Variants in TPPP observed in about 807,000 individuals in gnomAD.
TPPP encodes the protein tubulin polymerization-promoting protein.
In TPPP, 6 loss-of-function variants were observed where a neutral mutation model predicts 15.5. The observed-to-expected ratio is 0.39, with a 90% confidence interval of 0.21 to 0.77. The LOEUF is 0.77. Ranked by LOEUF, TPPP falls within the 30% of genes least tolerant of loss-of-function variation. The probability of loss-of-function intolerance (pLI) is 0.42; values close to 1 mark genes in which losing one functional copy is unlikely to be tolerated. For synonymous variants in TPPP, 146 were observed against 133.9 expected, an observed-to-expected ratio of 1.09 and a Z score of -0.63; for missense variants, 269 against 307.2, an observed-to-expected ratio of 0.88 and a Z score of 0.93.
At chr5:687,231 G>A (rs1447343115) in intron 1 of TPPP, among the ~76,000 whole-genome samples, 4 of 141,122 alleles carry the variant, frequency 2.8e-5, no homozygotes, top group African/African-American at 1.1e-4. Context: ...GAGGATGGGG[G>A]AATGCGTCCC....
chr5:667,436 G>A (rs1739966408), intron 2 of TPPP, among the ~76,000 whole-genome samples: 1 of 152,130 alleles, frequency 6.6e-6, no homozygotes, highest in Admixed American at 6.5e-5. Flanking sequence ...ATAGATGACG[G>A]TCCTAATTAT....
At chr5:665,854 CAGG>C in intron 3 of TPPP, 113 bp downstream of exon 3, 3 of 525,364 alleles carry the variant, frequency 5.7e-6, no homozygotes, top group Admixed American at 6.5e-5. Context: ...GGACCCCCCC[CAGG>C]TCACGCCCCC....
At chr5:671,673 C>T (rs1446705172) in intron 2 of TPPP, among the ~76,000 whole-genome samples, 2 of 151,884 alleles carry the variant, frequency 1.3e-5, no homozygotes, top group African/African-American at 2.4e-5. Flanking sequence ...GCTCCTGAAC[C>T]CTCAGCCACA....
the TPPP span, among the ~76,000 whole-genome samples, chr5:699,677 C>T: frequency 1.3e-5 from 2 of 151,696 alleles, no homozygotes; most frequent in Non-Finnish European, 2.9e-5. Flanking sequence ...GGTAAATAGA[C>T]AACCTGCAGA....
the TPPP span, among the ~76,000 whole-genome samples, chr5:699,285 T>C: frequency 9.8e-4 from 149 of 151,630 alleles, no homozygotes; most frequent in East Asian, 0.014. Context: ...AGTACAAAAA[T>C]AGACATCTAG....
In TPPP at chr5:662,152, A is replaced by G. The variant is rs11545597; in HGVS notation, c.*2950T>C. Reference sequence around the variant, plus strand: ...AATGAGCTCACCTCCAGGGGCCAAGATGGGAGCCATGAGCCCCGCCGCTCC... The same window carrying G: ...AATGAGCTCACCTCCAGGGGCCAAGGTGGGAGCCATGAGCCCCGCCGCTCC... On this transcript the variant is annotated 3_prime_UTR_variant, in exon 4 of 4. Transcript: ENST00000360578. 423 of 152,532 alleles carry G rather than the reference A, an allele frequency of 2.8e-3. 6 individuals carry two copies. In the South Asian group the frequency reaches 0.041, roughly 15 times the overall value. 9.4% of individuals were successfully genotyped at this position (152,532 alleles called of 1,614,324 possible).
At chr5:686,647 G>T (rs533014003) in intron 1 of TPPP, among the ~76,000 whole-genome samples, 262 of 144,932 alleles carry the variant, frequency 1.8e-3, no homozygotes, top group African/African-American at 6.3e-3. Flanking sequence ...ATCTGGAAAT[G>T]AGATCATCTT....
In TPPP at chr5:665,125, G is replaced by C. The variant is rs773926512; in HGVS notation, c.637C>G (p.Gln213Glu). 20 of 1,611,842 alleles carry C rather than the reference G, an allele frequency of 1.2e-5. No individual in the cohort carries two copies. Among genetic ancestry groups the C allele is most frequent in the Non-Finnish European group, 1.7e-5 (20 of 1,179,970 alleles). Residue 213 changes from glutamine (Q) to glutamate (E), a missense_variant, in exon 4 of 4, where the codon CAG becomes GAG. Transcript: ENST00000360578. Reference protein sequence around the residue: ...SGYKHAGTYDQKVQGGK With the variant: ...SGYKHAGTYDEKVQGGK Reference sequence around the variant, plus strand: ...GGCTACTTGCCCCCTTGCACCTTCTGGTCGTAGGTGCCTGCGTGCTTGTAG... The same window carrying C: ...GGCTACTTGCCCCCTTGCACCTTCTCGTCGTAGGTGCCTGCGTGCTTGTAG...
At chr5:684,962 ACCCCAC>A (rs1163675883) in intron 1 of TPPP, among the ~76,000 whole-genome samples, 1 of 151,996 alleles carries the variant, frequency 6.6e-6, no homozygotes, top group Admixed American at 6.5e-5. Flanking sequence ...TCGGGAGCAC[ACCCCAC>A]CCAGAGGCCA....
chr5:662,038 G>C lies in TPPP; in HGVS notation c.*3064C>G, dbSNP rs1012632873. On this transcript the variant is annotated 3_prime_UTR_variant, in exon 4 of 4. Transcript: ENST00000360578. ...ACGGGCAGGGTGCCACAGCAGCCTC[G>C]ATCTCATTCACGAAACCCACAGGCG... The C allele has an allele frequency of 3.9e-5, 6 of 152,452 alleles. No homozygotes were observed. Among genetic ancestry groups the C allele is most frequent in the African/African-American group, 1.4e-4 (6 of 41,462 alleles). 9.4% of individuals were successfully genotyped at this position (152,452 alleles called of 1,614,324 possible). A position where few individuals can be genotyped will look rare whatever the true frequency, so the allele number is the denominator to read the frequency against.
At chr5:669,545 C>T (rs6898393) in intron 2 of TPPP, among the ~76,000 whole-genome samples, 2 of 152,142 alleles carry the variant, frequency 1.3e-5, no homozygotes, top group Non-Finnish European at 2.9e-5. Flanking sequence ...CCCACCCTGC[C>T]CAAGCTGACA....
intron 2 of TPPP, among the ~76,000 whole-genome samples, chr5:674,835 T>A (rs1740347877): frequency 1.3e-5 from 2 of 151,348 alleles, no homozygotes; most frequent in African/African-American, 4.9e-5. Flanking sequence ...ATAAGCCCTG[T>A]GGATGATGTG....
chr5:675,325 G>C, intron 2 of TPPP, among the ~76,000 whole-genome samples: 1 of 115,996 alleles, frequency 8.6e-6, no homozygotes, highest in African/African-American at 3.4e-5. Flanking sequence ...AGTGTGGCCG[G>C]GGGTGCAGTG....
Position 675,006 on chromosome 5 carries a change from G to A in TPPP, c.311+2744C>T, listed in dbSNP as rs149003379. On this transcript the variant is annotated intron_variant, in intron 2 of 3. Coordinates refer to ENST00000360578, the MANE Select transcript of TPPP (RefSeq NM_007030.3). ...ATCTGTGGCCGGGGGAGCAGTGAGG[G>A]GGGCACAGTGTGGCCGGGGGAGCAG... 5.4e-3 allele frequency among the ~76,000 whole-genome samples: 737 copies of A among 137,360 alleles called. 5 individuals carry two copies. Among genetic ancestry groups the A allele is most frequent in the Middle Eastern group, 0.038 (10 of 260 alleles). The allele number at this position is 137,360 out of a possible 152,430, so 90.1% of individuals were successfully genotyped here.
chr5:661,355 C>T lies in TPPP; in HGVS notation c.*3747G>A, dbSNP rs1561074463. 1 of 152,282 alleles carries T rather than the reference C, an allele frequency of 6.6e-6. No individual in the cohort carries two copies. Among genetic ancestry groups the T allele is most frequent in the Non-Finnish European group, 1.5e-5 (1 of 68,370 alleles). The allele number at this position is 152,282 out of a possible 1,614,324, so 9.4% of individuals were successfully genotyped here. Reference sequence around the variant, plus strand: ...CCTGTCCCTCTCTCCTGGTGTCACCCATGATAGAACCTGTCCCTGTGTCCT... The same window carrying T: ...CCTGTCCCTCTCTCCTGGTGTCACCTATGATAGAACCTGTCCCTGTGTCCT... On this transcript the variant is annotated 3_prime_UTR_variant, in exon 4 of 4. Coordinates refer to ENST00000360578, the MANE Select transcript of TPPP (RefSeq NM_007030.3).
chr5:680,557 G>A (rs1207503066), intron 1 of TPPP, among the ~76,000 whole-genome samples: 3 of 147,918 alleles, frequency 2.0e-5, no homozygotes, highest in Non-Finnish European at 3.0e-5. Context: ...GTGAGTCCAC[G>A]GGCGCTTGGG....
chr5:698,766 A>G, the TPPP span, among the ~76,000 whole-genome samples: 1 of 151,984 alleles, frequency 6.6e-6, no homozygotes, highest in African/African-American at 2.4e-5. Context: ...GACACAGCCA[A>G]ACCGTATTAC....
At chr5:668,143 C>G (rs376753909) in intron 2 of TPPP, among the ~76,000 whole-genome samples, 39 of 77,398 alleles carry the variant, frequency 5.0e-4, no homozygotes, top group African/African-American at 8.0e-4. Flanking sequence ...CCGCGTGGGC[C>G]CCGTCAGGGA....
rs1739799056 is a variant in TPPP at position 664,107 on chromosome 5, G to C, written c.*995C>G. 2 of 152,620 alleles carry C rather than the reference G, an allele frequency of 1.3e-5. No homozygotes were observed. Among genetic ancestry groups the C allele is most frequent in the South Asian group, 4.1e-4 (2 of 4,834 alleles). The allele number at this position is 152,620 out of a possible 1,614,324, so 9.5% of individuals were successfully genotyped here. On this transcript the variant is annotated 3_prime_UTR_variant, in exon 4 of 4. Transcript: ENST00000360578. ...CTCTCCGGCGGGGGGGATTGGCCAGGAGAGGTTAGGCTGAGCCATTTTGGG... is the reference window on the plus strand; with the variant it reads ...CTCTCCGGCGGGGGGGATTGGCCAGCAGAGGTTAGGCTGAGCCATTTTGGG...
Sources: gnomAD v4.1 joint callset for allele counts (sites outside exome capture counted in the v4.1 genomes callset) on GRCh38, gnomAD v4.1.1 for gene constraint, MANE v1.5 for transcripts, NCBI Gene and HGNC (gene_info 2026-07-23, HGNC 2026-07-21) for gene names.